SEZ6L: variants seen among roughly 807,000 people sequenced by gnomAD.
SEZ6L encodes the protein seizure 6-like protein.
A neutral mutation model predicts 106.2 loss-of-function variants in SEZ6L; 37 were observed. That is an observed-to-expected ratio of 0.35 (90% CI 0.27 to 0.46). The LOEUF (loss-of-function observed/expected upper bound fraction) is 0.46, where lower values mean the gene tolerates loss of function less well. Among genes scored for constraint, SEZ6L ranks in the 20% least tolerant of loss-of-function variants. The probability of loss-of-function intolerance (pLI) is 1.00; values close to 1 mark genes in which losing one functional copy is unlikely to be tolerated. For synonymous variants in SEZ6L, 541 were observed against 570.4 expected (o/e 0.95, Z 0.73); for missense variants, 1,172 against 1,332.8 (o/e 0.88, Z 1.88).
chr22:26,282,890 T>C (rs1036138238), intron 1 of SEZ6L, among the ~76,000 whole-genome samples: 1 of 152,152 alleles, frequency 6.6e-6, no homozygotes, highest in African/African-American at 2.4e-5. Context: ...AAATTTAAAA[T>C]GTGTAAATCT....
chr22:26,337,937 T>C (rs983640112), intron 9 of SEZ6L, among the ~76,000 whole-genome samples: 12 of 152,158 alleles, frequency 7.9e-5, no homozygotes, highest in Non-Finnish European at 1.6e-4. Flanking sequence ...GAAGCAAACT[T>C]TCAATACCTT....
intron 1 of SEZ6L, among the ~76,000 whole-genome samples, chr22:26,205,262 G>T (rs888805758): frequency 4.6e-5 from 7 of 152,150 alleles, no homozygotes; most frequent in Admixed American, 4.6e-4. Flanking sequence ...TTTCAAGTCT[G>T]GTGACTTTTT....
At chr22:26,286,164 G>A (rs1469600129) in intron 1 of SEZ6L, among the ~76,000 whole-genome samples, 4 of 152,152 alleles carry the variant, frequency 2.6e-5, no homozygotes, top group Admixed American at 6.5e-5. Context: ...TCAGTCCTGC[G>A]TCCTAAAGGT....
chr22:26,189,582 AC>A (rs1350745214), intron 1 of SEZ6L, among the ~76,000 whole-genome samples: 1 of 150,388 alleles, frequency 6.6e-6, no homozygotes, highest in Admixed American at 6.6e-5. Flanking sequence ...TACTATAACA[AC>A]TATTTACGTA....
intron 1 of SEZ6L, among the ~76,000 whole-genome samples, chr22:26,225,451 G>C (rs1406906302): frequency 3.3e-5 from 5 of 152,126 alleles, no homozygotes; most frequent in African/African-American, 4.8e-5. Flanking sequence ...GAAAGAGGGT[G>C]GGGGGATTTT....
chr22:26,212,234 G>T (rs2078181838), intron 1 of SEZ6L, among the ~76,000 whole-genome samples: 1 of 152,158 alleles, frequency 6.6e-6, no homozygotes, highest in Non-Finnish European at 1.5e-5. Flanking sequence ...ATGGCACGGG[G>T]CCTGGTCTTT....
chr22:26,250,148 T>C (rs2079522231), intron 1 of SEZ6L, among the ~76,000 whole-genome samples: 1 of 152,220 alleles, frequency 6.6e-6, no homozygotes, highest in Non-Finnish European at 1.5e-5. Context: ...TTTTCTTTGC[T>C]GTGTAGAAGC....
chr22:26,286,582 G>A (rs544263413), intron 1 of SEZ6L, among the ~76,000 whole-genome samples: 395 of 152,090 alleles, frequency 2.6e-3, no homozygotes, highest in Middle Eastern at 6.8e-3. Context: ...TCTTTTCACT[G>A]AACATTATAG....
At chr22:26,202,691 A>G (rs1941042740) in intron 1 of SEZ6L, among the ~76,000 whole-genome samples, 2 of 152,184 alleles carry the variant, frequency 1.3e-5, no homozygotes. Context: ...GGAGAATTTA[A>G]TGATGATGTG....
chr22:26,232,138 C>T (rs1222004024), intron 1 of SEZ6L, among the ~76,000 whole-genome samples: 2 of 152,054 alleles, frequency 1.3e-5, no homozygotes, highest in East Asian at 1.9e-4. Flanking sequence ...AAAGTGAAGG[C>T]GTAACACAGT....
intron 1 of SEZ6L, among the ~76,000 whole-genome samples, chr22:26,189,892 T>G (rs1313690030): frequency 6.6e-6 from 1 of 151,982 alleles, no homozygotes; most frequent in Non-Finnish European, 1.5e-5. Context: ...GGTCAGGAGA[T>G]CGAGACCATC....
chr22:26,345,589 C>T (rs565335390), intron 10 of SEZ6L, among the ~76,000 whole-genome samples: 1 of 152,146 alleles, frequency 6.6e-6, no homozygotes, highest in African/African-American at 2.4e-5. Context: ...TGTCCCCCCA[C>T]CAAGCAATTC....
chr22:26,232,831 C>T (rs542350105), intron 1 of SEZ6L, among the ~76,000 whole-genome samples: 40 of 152,318 alleles, frequency 2.6e-4, no homozygotes, highest in African/African-American at 8.9e-4. Context: ...TTTAACCCCT[C>T]GAGCCTCAGT....
intron 9 of SEZ6L, among the ~76,000 whole-genome samples, chr22:26,321,810 G>A (rs2082163042): frequency 6.6e-6 from 1 of 152,156 alleles, no homozygotes; most frequent in Non-Finnish European, 1.5e-5. Flanking sequence ...GAGCTGGGTA[G>A]GTGGCCCATA....
chr22:26,260,512 G>A (rs942784001), intron 1 of SEZ6L, among the ~76,000 whole-genome samples: 9 of 151,956 alleles, frequency 5.9e-5, no homozygotes, highest in Non-Finnish European at 1.2e-4. Context: ...ATATACATAT[G>A]ACAATTTTGG....
At chr22:26,176,986 C>T (rs1939047786) in intron 1 of SEZ6L, among the ~76,000 whole-genome samples, 1 of 152,200 alleles carries the variant, frequency 6.6e-6, no homozygotes, top group Non-Finnish European at 1.5e-5. Flanking sequence ...AAACAATGAA[C>T]TCTTAGAAAA....
intron 5 of SEZ6L, among the ~76,000 whole-genome samples, chr22:26,300,304 C>T (rs1376103713): frequency 2.0e-5 from 3 of 152,190 alleles, no homozygotes; most frequent in East Asian, 3.8e-4. Flanking sequence ...TCCCTCCCCC[C>T]TCTCCCCACC....
At chr22:26,252,551 T>A (rs1414152278) in intron 1 of SEZ6L, among the ~76,000 whole-genome samples, 1 of 152,196 alleles carries the variant, frequency 6.6e-6, no homozygotes, top group Non-Finnish European at 1.5e-5. Flanking sequence ...AATCTTTAGT[T>A]TTTCAGTCTT....
chr22:26,202,408 G>A (rs1941017281), intron 1 of SEZ6L, among the ~76,000 whole-genome samples: 1 of 152,134 alleles, frequency 6.6e-6, no homozygotes, highest in Admixed American at 6.5e-5. Context: ...GGTTCTCATG[G>A]GTCTTCATAA....
Sources: gnomAD v4.1 joint callset for allele counts (sites outside exome capture counted in the v4.1 genomes callset) on GRCh38, gnomAD v4.1.1 for gene constraint, MANE v1.5 for transcripts, NCBI Gene and HGNC (gene_info 2026-07-23, HGNC 2026-07-21) for gene names.